Variants in PLEKHH2 observed in about 807,000 individuals in gnomAD.
PLEKHH2 encodes pleckstrin homology, MyTH4 and FERM domain containing H2.
Under a neutral mutation model 187.9 loss-of-function variants are expected in PLEKHH2, and 129 were observed. The observed-to-expected ratio is 0.69, with a 90% CI of 0.59 to 0.79. The LOEUF (loss-of-function observed/expected upper bound fraction) is 0.79. PLEKHH2 is among the 30% of genes least tolerant of loss of function. The pLI, the probability that PLEKHH2 is intolerant of heterozygous loss-of-function variation, is 0.00. For synonymous variants in PLEKHH2, 686 were observed against 605.6 expected, an observed-to-expected ratio of 1.13 and a Z score of -1.95; for missense variants, 2,076 against 1,751.2, an observed-to-expected ratio of 1.19 and a Z score of -3.31.
intron 1 of PLEKHH2, among the ~76,000 whole-genome samples, chr2:43,641,114 G>A (rs1574461147): frequency 6.6e-6 from 1 of 151,920 alleles, no homozygotes; most frequent in Admixed American, 6.6e-5. Context: ...GTTTAATTGG[G>A]TTATCTTTTT....
At position 43,637,288 on chromosome 2, in the gene PLEKHH2, C is replaced by G. The variant is rs1040319305; in HGVS notation, c.-95C>G. ...CGCCCTCTCCGAGCTCGGCTTGAGG[C>G]GGGCGCGGGCTGAGAGTCCGGGGAT... On this transcript the variant is annotated 5_prime_UTR_variant, in exon 1 of 30. Coordinates refer to ENST00000282406, the MANE Select transcript of PLEKHH2 (RefSeq NM_172069.4). 1 of 152,448 alleles carries G rather than the reference C, an allele frequency of 6.6e-6. No individual in the cohort carries two copies. Among genetic ancestry groups the G allele is most frequent in the Non-Finnish European group, 1.5e-5 (1 of 68,222 alleles). The allele number at this position is 152,448 out of a possible 1,614,324, so 9.4% of individuals were successfully genotyped here.
intron 3 of PLEKHH2, among the ~76,000 whole-genome samples, chr2:43,683,980 C>T (rs1214514826): frequency 6.6e-6 from 1 of 152,140 alleles, no homozygotes; most frequent in Non-Finnish European, 1.5e-5. Flanking sequence ...CTTTCTTCAC[C>T]ATCAGCATCC....
intron 6 of PLEKHH2, among the ~76,000 whole-genome samples, chr2:43,695,434 T>C (rs1669038295): frequency 6.6e-6 from 1 of 152,238 alleles, no homozygotes; most frequent in Admixed American, 6.5e-5. Context: ...GAATTGATGA[T>C]GTCTACCAAA....
intron 3 of PLEKHH2, chr2:43,681,650 TG>T: frequency 1.6e-6 from 1 of 632,622 alleles, no homozygotes; most frequent in East Asian, 2.8e-5. Context: ...CCTACCATAG[TG>T]ACCAGATCTG....
intron 17 of PLEKHH2, among the ~76,000 whole-genome samples, chr2:43,728,498 A>C (rs1176831062): frequency 6.6e-6 from 1 of 150,830 alleles, no homozygotes; most frequent in East Asian, 1.9e-4. Flanking sequence ...AAAAAAAAGA[A>C]AGAAAAAGAA....
Position 43,692,584 on chromosome 2 carries a change from A to G in PLEKHH2, c.257A>G (p.Asn86Ser), listed in dbSNP as rs764507776. Residue 86 changes from asparagine (N) to serine (S), a missense_variant, in exon 4 of 30, where the codon AAT becomes AGT. Physicochemically the swap from Asn to Ser is conservative, Grantham distance 46. Coordinates refer to ENST00000282406, the MANE Select transcript of PLEKHH2 (RefSeq NM_172069.4). ...AGTGAATCAGAGACAAGATTATATA[A>G]TAAGTGTCAAGATCTGGAGTCGCTA... ...QTSESETRLY[N>S]KCQDLESLIQ... is the part of the protein sequence containing the mutation. 12 of 1,607,226 alleles carry G rather than the reference A, an allele frequency of 7.5e-6. No homozygotes were observed. In the East Asian group the frequency reaches 2.5e-4, roughly 33 times the overall value.
chr2:43,704,755 C>T (rs1669568984), intron 9 of PLEKHH2, among the ~76,000 whole-genome samples: 1 of 149,180 alleles, frequency 6.7e-6, no homozygotes, highest in African/African-American at 2.5e-5. Context: ...AAGTGATTTG[C>T]ATTGCTATTT....
rs1672665462 is a variant in PLEKHH2, at chr2:43,767,543, A to C, written c.*1945A>C. 6.6e-6 allele frequency: 1 copy of C among 152,378 alleles called. No homozygotes were observed. The highest frequency in any genetic ancestry group is 1.5e-5 in the Non-Finnish European group (1 of 68,032). The allele number at this position is 152,378 out of a possible 1,614,324, so 9.4% of individuals were successfully genotyped here. A position where few individuals can be genotyped will look rare whatever the true frequency, so the allele number is the denominator to read the frequency against. On this transcript the variant is annotated 3_prime_UTR_variant, in exon 30 of 30. Transcript: ENST00000282406. ...TAACCAGTTTGTGATGACTCTCAGA[A>C]GCCTTTTGGCTGGGTTACAGAAGAG...
In PLEKHH2 at chr2:43,681,382, A is replaced by G. The variant is rs546227506; in HGVS notation, c.186+2457A>G. The G allele has an allele frequency of 2.3e-4, 353 of 1,507,962 alleles. 1 individual carries two copies. In the South Asian group the frequency reaches 4.0e-3, roughly 17 times the overall value. 93.4% of individuals were successfully genotyped at this position (1,507,962 alleles called of 1,614,324 possible). A position where few individuals can be genotyped will look rare whatever the true frequency, so the allele number is the denominator to read the frequency against. On this transcript the variant is annotated intron_variant, in intron 3 of 29. Transcript: ENST00000282406. ...GAATTTACTTCTTGGCTGCTACTGG[A>G]AGGTTCTTGTCGACTTTGTTCTTTC...
At position 43,726,259 on chromosome 2, in the gene PLEKHH2, AT is replaced by A; in HGVS notation, c.2542-12del. 6.4e-7 allele frequency: 1 copy of A among 1,569,442 alleles called. No homozygotes were observed. The highest frequency in any genetic ancestry group is 8.7e-7 in the Non-Finnish European group (1 of 1,144,688). ...GAAAATGCCTTCCTCACAATTACTA[AT>A]ATTTACTTTAGTTTCCTTTAGGTCA... On this transcript the variant is annotated splice_polypyrimidine_tract_variant and intron_variant, in intron 16 of 29. Coordinates refer to ENST00000282406, the MANE Select transcript of PLEKHH2 (RefSeq NM_172069.4).
At chr2:43,695,490 G>A (rs146396771) in intron 6 of PLEKHH2, among the ~76,000 whole-genome samples, 1 of 152,172 alleles carries the variant, frequency 6.6e-6, no homozygotes, top group Non-Finnish European at 1.5e-5. Flanking sequence ...TACTAATTTT[G>A]CCTCTCTCTA....
intron 2 of PLEKHH2, among the ~76,000 whole-genome samples, chr2:43,668,549 T>C (rs1667335632): frequency 6.6e-6 from 1 of 152,192 alleles, no homozygotes; most frequent in African/African-American, 2.4e-5. Flanking sequence ...CTTATAGTTT[T>C]CCATTAGTTT....
chr2:43,649,613 C>T (rs544272719), intron 2 of PLEKHH2, among the ~76,000 whole-genome samples: 2 of 152,354 alleles, frequency 1.3e-5, no homozygotes, highest in Admixed American at 1.3e-4. Context: ...TACATTCCCT[C>T]AGTTACTCTA....
chr2:43,654,746 G>A (rs1183814200), intron 2 of PLEKHH2, among the ~76,000 whole-genome samples: 2 of 149,370 alleles, frequency 1.3e-5, no homozygotes, highest in African/African-American at 4.9e-5. Flanking sequence ...AAAAAAATAG[G>A]CCAGGCGTGG....
intron 23 of PLEKHH2, among the ~76,000 whole-genome samples, chr2:43,744,970 T>C (rs1478022246): frequency 6.6e-6 from 1 of 151,582 alleles, no homozygotes; most frequent in East Asian, 1.9e-4. Flanking sequence ...CTTTTCCAGA[T>C]CATAGTAAAA....
In PLEKHH2 at chr2:43,694,454, T is replaced by A; in HGVS notation, c.360T>A (p.Ala120=). ...EEQKQIRIQE[A]KIIEEKAAKI... ...AGAAACAAATAAGAATACAAGAAGCTAAAATAATAGAAGAGAAAGCAGCTA... is the reference window on the plus strand; with the variant it reads ...AGAAACAAATAAGAATACAAGAAGCAAAAATAATAGAAGAGAAAGCAGCTA... The change falls in exon 5 of 30, where the codon GCT becomes GCA. Residue 120 remains alanine, a synonymous_variant. Coordinates refer to ENST00000282406, the MANE Select transcript of PLEKHH2 (RefSeq NM_172069.4). The A allele has an allele frequency of 2.6e-6, 4 of 1,564,272 alleles. No homozygotes were observed. The highest frequency in any genetic ancestry group is 3.5e-6 in the Non-Finnish European group (4 of 1,147,802).
Position 43,668,134 on chromosome 2 carries a change from G to A in PLEKHH2, c.124-10729G>A, listed in dbSNP as rs144661269. ...TGCAACCTCTGCCACCCGGGTTCAA[G>A]TGATTCTCCTGCCTCAGCCTCCCAA... is the stretch of plus-strand genomic sequence containing the variant. On this transcript the variant is annotated intron_variant, in intron 2 of 29. Coordinates refer to ENST00000282406, the MANE Select transcript of PLEKHH2 (RefSeq NM_172069.4). Among the ~76,000 whole-genome samples the A allele has an allele frequency of 3.8e-3, 578 of 152,222 alleles. 3 individuals are homozygous for A. Among genetic ancestry groups the A allele is most frequent in the African/African-American group, 0.013 (535 of 41,532 alleles).
At position 43,753,738 on chromosome 2, in the gene PLEKHH2, A is replaced by C. The variant is rs753980795; in HGVS notation, c.3773A>C (p.Glu1258Ala). The change falls in exon 25 of 30, where the codon GAA becomes GCA. Residue 1258 changes from glutamate to alanine, a missense_variant. Physicochemically the swap from Glu to Ala is moderately radical, Grantham distance 107. Transcript: ENST00000282406. ...LFPLNKDLAL[E>A]MAALLSQVEI... Reference sequence around the variant, plus strand: ...CCTCTGAACAAAGATCTGGCATTAGAAATGGCAGCTCTTTTATCTCAGGTA... The same window carrying C: ...CCTCTGAACAAAGATCTGGCATTAGCAATGGCAGCTCTTTTATCTCAGGTA... 4.4e-6 allele frequency: 7 copies of C among 1,577,042 alleles called. No individual in the cohort carries two copies. Among genetic ancestry groups the C allele is most frequent in the Non-Finnish European group, 6.0e-6 (7 of 1,165,984 alleles).
At chr2:43,732,037 C>G (rs1373710006) in intron 19 of PLEKHH2, among the ~76,000 whole-genome samples, 2 of 152,156 alleles carry the variant, frequency 1.3e-5, no homozygotes, top group African/African-American at 4.8e-5. Context: ...ATCCTTCTAT[C>G]CCTATCATCA....
Sources: gnomAD v4.1 joint callset for allele counts (sites outside exome capture counted in the v4.1 genomes callset) on GRCh38, gnomAD v4.1.1 for gene constraint, MANE v1.5 for transcripts, NCBI Gene and HGNC (gene_info 2026-07-23, HGNC 2026-07-21) for gene names.